The following ZFHX3 variants were observed in gnomAD, a reference collection of about 807,000 sequenced individuals.
The protein encoded by ZFHX3 is zinc finger homeobox protein 3.
In ZFHX3, 42 loss-of-function variants were observed where a neutral mutation model predicts 279.1. That is an observed-to-expected ratio of 0.15 (90% confidence interval 0.12 to 0.19). The LOEUF (loss-of-function observed/expected upper bound fraction) is 0.19. Among genes scored for constraint, ZFHX3 ranks in the 10% least tolerant of loss-of-function variants. The probability of loss-of-function intolerance (pLI) is 1.00; values close to 1 mark genes in which losing one functional copy is unlikely to be tolerated. For synonymous variants in ZFHX3, 2,293 were observed against 1,957.8 expected (o/e 1.17, Z -4.52); for missense variants, 4,981 against 4,754.0 (o/e 1.05, Z -1.40).
intron 2 of ZFHX3, among the ~76,000 whole-genome samples, chr16:73,492,164 C>T (rs2019066173): frequency 6.6e-6 from 1 of 152,164 alleles, no homozygotes; most frequent in South Asian, 2.1e-4. Flanking sequence ...ATTGCCATCT[C>T]CTGCCTCTGA....
chr16:73,127,299 G>A (rs72795194), intron 7 of ZFHX3: 45,304 of 1,274,870 alleles, frequency 0.036, 844 homozygotes, highest in Non-Finnish European at 0.041. Flanking sequence ...AGAGAAGAGG[G>A]AAGAAGGAAA....
chr16:73,557,094 CAAAAAAAAAAA>C (rs397766441), intron 2 of ZFHX3, among the ~76,000 whole-genome samples: 1 of 68,552 alleles, frequency 1.5e-5, no homozygotes, highest in Non-Finnish European at 2.5e-5. Flanking sequence ...GACTCCGTCT[CAAAAAAAAAAA>C]AAAAAAAAAA....
At chr16:73,761,113 G>C (rs904768870) in intron 1 of ZFHX3, among the ~76,000 whole-genome samples, 10 of 152,068 alleles carry the variant, frequency 6.6e-5, no homozygotes, top group African/African-American at 2.4e-4. Flanking sequence ...AGCTTCTTAA[G>C]CTGATAAGCA....
chr16:73,061,145 C>T (rs956664729), upstream of ZFHX3: 1 of 152,172 alleles, frequency 6.6e-6, no homozygotes, highest in Non-Finnish European at 1.5e-5. Context: ...TCAATAAAGC[C>T]AAGTCCAGCC....
intron 3 of ZFHX3, among the ~76,000 whole-genome samples, chr16:73,402,970 G>C (rs948702741): frequency 6.6e-6 from 1 of 152,026 alleles, no homozygotes; most frequent in Non-Finnish European, 1.5e-5. Context: ...AGGTAATAGA[G>C]AGAGCTAACA....
chr16:73,857,562 G>C (rs550838421), intron 1 of ZFHX3, among the ~76,000 whole-genome samples: 12 of 152,084 alleles, frequency 7.9e-5, no homozygotes, highest in Non-Finnish European at 1.6e-4. Flanking sequence ...ATTTCCCTTG[G>C]TTTGTTCTAC....
chr16:73,885,348 C>G (rs2030311509), intron 1 of ZFHX3, among the ~76,000 whole-genome samples: 1 of 151,978 alleles, frequency 6.6e-6, no homozygotes, highest in Admixed American at 6.6e-5. Flanking sequence ...ATGATTATAG[C>G]CCGATCTGGA....
At chr16:73,298,238 T>G (rs1435750617) in intron 4 of ZFHX3, among the ~76,000 whole-genome samples, 1 of 149,786 alleles carries the variant, frequency 6.7e-6, no homozygotes, top group African/African-American at 2.5e-5. Context: ...TTTTTTTATA[T>G]GGAGCTTGAT....
chr16:73,881,508 A>G (rs530848420), intron 1 of ZFHX3, among the ~76,000 whole-genome samples: 83 of 91,672 alleles, frequency 9.1e-4, no homozygotes, highest in Non-Finnish European at 5.7e-4. Context: ...GCCCATGGTT[A>G]CTGCTACTCT....
chr16:73,760,037 C>A (rs527988520), intron 1 of ZFHX3, among the ~76,000 whole-genome samples: 10 of 147,762 alleles, frequency 6.8e-5, no homozygotes, highest in South Asian at 2.1e-4. Flanking sequence ...ATTAATAAAA[C>A]AGACAACTGG....
intron 2 of ZFHX3, among the ~76,000 whole-genome samples, chr16:73,562,881 T>G (rs1011346254): frequency 7.2e-5 from 11 of 152,166 alleles, no homozygotes; most frequent in Non-Finnish European, 1.5e-4. Flanking sequence ...TGCTGTTAAG[T>G]GATACTTCAG....
intron 2 of ZFHX3, among the ~76,000 whole-genome samples, chr16:73,663,984 T>G (rs2052810506): frequency 6.6e-6 from 1 of 152,144 alleles, no homozygotes; most frequent in Non-Finnish European, 1.5e-5. Context: ...CACCACCCAT[T>G]TAGAGATGCA....
intron 2 of ZFHX3, among the ~76,000 whole-genome samples, chr16:73,671,790 A>C (rs2142185551): frequency 6.6e-6 from 1 of 152,350 alleles, no homozygotes; most frequent in South Asian, 2.1e-4. Context: ...GTTTAGACTT[A>C]CTTAGGAAAA....
intron 1 of ZFHX3, among the ~76,000 whole-genome samples, chr16:73,817,417 C>T (rs1020174015): frequency 6.6e-6 from 1 of 152,168 alleles, no homozygotes; most frequent in South Asian, 2.1e-4. Flanking sequence ...TCCTGCAAAC[C>T]TTTTCAAAGA....
chr16:73,801,582 C>T (rs1486265057), intron 1 of ZFHX3, among the ~76,000 whole-genome samples: 1 of 152,230 alleles, frequency 6.6e-6, no homozygotes, highest in East Asian at 1.9e-4. Flanking sequence ...TAATTTTAGG[C>T]ATATCACTTC....
intron 5 of ZFHX3, among the ~76,000 whole-genome samples, chr16:73,237,594 A>G (rs1597235678): frequency 7.5e-6 from 1 of 133,280 alleles, no homozygotes; most frequent in Non-Finnish European, 1.6e-5. Context: ...CTAGTATTGA[A>G]CTCCTGGCCT....
chr16:73,495,923 T>G (rs960793236), intron 2 of ZFHX3, among the ~76,000 whole-genome samples: 9 of 152,234 alleles, frequency 5.9e-5, no homozygotes, highest in Admixed American at 2.6e-4. Context: ...TATTCTTTCC[T>G]ATTGTGGGTT....
intron 2 of ZFHX3, among the ~76,000 whole-genome samples, chr16:73,537,093 G>C (rs185162504): frequency 6.6e-6 from 1 of 152,226 alleles, no homozygotes; most frequent in East Asian, 1.9e-4. Flanking sequence ...TAAGAGACCT[G>C]TCTCAGTTAT....
chr16:73,643,160 G>C (rs1250672590), intron 2 of ZFHX3, among the ~76,000 whole-genome samples: 2 of 152,176 alleles, frequency 1.3e-5, no homozygotes, highest in Non-Finnish European at 2.9e-5. Flanking sequence ...AAAACAGTTT[G>C]AAGTCATTTG....
Sources: gnomAD v4.1 joint callset for allele counts (sites outside exome capture counted in the v4.1 genomes callset) on GRCh38, gnomAD v4.1.1 for gene constraint, MANE v1.5 for transcripts, NCBI Gene and HGNC (gene_info 2026-07-23, HGNC 2026-07-21) for gene names.